Variants in DPP3 observed in about 807,000 individuals in gnomAD.
DPP3 encodes the protein dipeptidyl peptidase 3, also known as DPP III.
Under a neutral mutation model 89.8 loss-of-function variants are expected in DPP3, and 64 were observed. The observed-to-expected ratio is 0.71, with a 90% confidence interval of 0.58 to 0.88. The LOEUF (loss-of-function observed/expected upper bound fraction) is 0.88. Ranked by LOEUF, DPP3 falls within the 40% of genes least tolerant of loss-of-function variation. The probability of loss-of-function intolerance (pLI) is 0.00; values close to 1 mark genes in which losing one functional copy is unlikely to be tolerated. For missense variants in DPP3, 835 were observed against 972.5 expected, an observed-to-expected ratio of 0.86 and a Z score of 1.88; for synonymous variants, 377 against 404.3, an observed-to-expected ratio of 0.93 and a Z score of 0.81.
At chr11:66,502,156 C>T (rs1004742965) in intron 16 of DPP3, among the ~76,000 whole-genome samples, 4 of 152,038 alleles carry the variant, frequency 2.6e-5, no homozygotes, top group Non-Finnish European at 4.4e-5. Flanking sequence ...CACGCCACTG[C>T]GCTCCAGCCT....
At position 66,490,145 on chromosome 11, in the gene DPP3, TAAAAA is replaced by T. The variant is rs201526861; in HGVS notation, c.668-1084_668-1080del. Among the ~76,000 whole-genome samples the T allele has an allele frequency of 6.3e-5, 6 of 94,824 alleles. No homozygotes were observed. In the East Asian group the frequency reaches 1.1e-3, roughly 17 times the overall value. 62.2% of individuals were successfully genotyped at this position (94,824 alleles called of 152,430 possible). ...CTGGGCAACCTTACAAGATCCTATC[TAAAAA>T]AAAAAAAAAAAAAAAAAAAAAAAGG... On this transcript the variant is annotated intron_variant, in intron 6 of 17. Coordinates refer to ENST00000531863, the MANE Select transcript of DPP3 (RefSeq NM_130443.4).
intron 16 of DPP3, 88 bp from the exon 17 acceptor site, chr11:66,504,524 C>A: frequency 1.4e-6 from 2 of 1,463,104 alleles, no homozygotes; most frequent in Non-Finnish European, 1.8e-6. Flanking sequence ...CTGTCCAGGG[C>A]TGACCACAAT....
At position 66,480,534 on chromosome 11, in the gene DPP3, T is replaced by G. The variant is rs1262622642; in HGVS notation, c.-9+69T>G. On this transcript the variant is annotated intron_variant, in intron 1 of 17. Coordinates refer to ENST00000531863, the MANE Select transcript of DPP3 (RefSeq NM_130443.4). ...CCGGGGGACCAAGGCGAATCCATACTGAGCGCAAAATCGTTCCCTTTCTGC... is the reference window on the plus strand; with the variant it reads ...CCGGGGGACCAAGGCGAATCCATACGGAGCGCAAAATCGTTCCCTTTCTGC... 46 of 1,441,082 alleles carry G rather than the reference T, an allele frequency of 3.2e-5. 1 individual carries two copies. Among genetic ancestry groups the G allele is most frequent in the South Asian group, 9.6e-5 (7 of 72,560 alleles). 89.3% of individuals were successfully genotyped at this position (1,441,082 alleles called of 1,614,324 possible).
chr11:66,493,614 G>C lies in DPP3; in HGVS notation c.1370G>C (p.Ser457Thr). 6.2e-7 allele frequency: 1 copy of C among 1,612,634 alleles called. No homozygotes were observed. The highest frequency in any genetic ancestry group is 8.5e-7 in the Non-Finnish European group (1 of 1,179,736). ...VGLHELLGHGSGKLFVQDEKG... is the reference protein window; with the variant it reads ...VGLHELLGHGTGKLFVQDEKG... ...CTGCACGAGCTGCTGGGCCATGGCA[G>C]TGGCAAGCTCTTCGTACAGGTGAGA... is the stretch of plus-strand genomic sequence containing the variant. The change falls in exon 12 of 18, where the codon AGT becomes ACT. Residue 457 changes from serine to threonine, a missense_variant. Physicochemically the swap from Ser to Thr is moderately conservative, Grantham distance 58 (BLOSUM62 1). Transcript: ENST00000531863.
In DPP3 at chr11:66,509,062, C is replaced by T. The variant is rs751513988; in HGVS notation, c.2042-17C>T. 6.8e-6 allele frequency: 11 copies of T among 1,612,616 alleles called. No individual in the cohort carries two copies. The East Asian group carries it at 1.1e-4, about 16-fold the overall frequency. Reference sequence around the variant, plus strand: ...TTCAGACCTTTCCCTGCTGTTTTCTCTCCATCTCCTCCCCAGGCTCAGACG... The same window carrying T: ...TTCAGACCTTTCCCTGCTGTTTTCTTTCCATCTCCTCCCCAGGCTCAGACG... On this transcript the variant is annotated splice_polypyrimidine_tract_variant and intron_variant, in intron 17 of 17. Coordinates refer to ENST00000531863, the MANE Select transcript of DPP3 (RefSeq NM_130443.4).
At chr11:66,508,352 T>G (rs1855855391) in intron 17 of DPP3, among the ~76,000 whole-genome samples, 1 of 152,152 alleles carries the variant, frequency 6.6e-6, no homozygotes, top group African/African-American at 2.4e-5. Flanking sequence ...TGTGTGACTA[T>G]GTCATCACTG....
chr11:66,506,025 T>C (rs1459518810), intron 17 of DPP3, among the ~76,000 whole-genome samples: 2 of 152,060 alleles, frequency 1.3e-5, no homozygotes, highest in African/African-American at 4.8e-5. Context: ...TCTCGGCTCA[T>C]TGCAACCTCC....
intron 17 of DPP3, among the ~76,000 whole-genome samples, chr11:66,506,303 G>T (rs762098273): frequency 7.8e-4 from 118 of 150,812 alleles, no homozygotes; most frequent in Non-Finnish European, 8.5e-4. Flanking sequence ...TGCCCAGGCT[G>T]GAGTGCAGTG....
chr11:66,482,210 A>G lies in DPP3; in HGVS notation c.10A>G (p.Thr4Ala). MAD[T>A]QYILPNDIGV... is the part of the protein sequence containing the mutation. ...GTTCTCAGCAGGGCCCATGGCGGACACCCAGTACATCCTGCCCAATGACAT... is the reference window on the plus strand; with the variant it reads ...GTTCTCAGCAGGGCCCATGGCGGACGCCCAGTACATCCTGCCCAATGACAT... Residue 4 changes from threonine to alanine, a missense_variant, in exon 2 of 18, where the codon ACC becomes GCC. Physicochemically the swap from Thr to Ala is moderately conservative, Grantham distance 58. Transcript: ENST00000531863. 2 of 1,614,142 alleles carry G rather than the reference A, an allele frequency of 1.2e-6. No individual in the cohort carries two copies. The highest frequency in any genetic ancestry group is 1.7e-6 in the Non-Finnish European group (2 of 1,180,006).
At chr11:66,498,333 T>C (rs150058443) in intron 16 of DPP3, among the ~76,000 whole-genome samples, 3,015 of 152,310 alleles carry the variant, frequency 0.02, 85 homozygotes, top group African/African-American at 0.068. Flanking sequence ...GACCTCGTGA[T>C]CTGCCTGCCT....
In DPP3 at chr11:66,491,760, A is replaced by G. The variant is rs1393731420; in HGVS notation, c.988+4A>G. 6.2e-7 allele frequency: 1 copy of G among 1,613,774 alleles called. No homozygotes were observed. Among genetic ancestry groups the G allele is most frequent in the South Asian group, 1.1e-5 (1 of 91,062 alleles). ...GGTTCCCGAGGAGAATTTGAAGGTAACTTCCTCAGGGAGGAGGTCAGTCAC... is the reference window on the plus strand; with the variant it reads ...GGTTCCCGAGGAGAATTTGAAGGTAGCTTCCTCAGGGAGGAGGTCAGTCAC... On this transcript the variant is annotated splice_donor_region_variant and intron_variant, in intron 9 of 17. Coordinates refer to ENST00000531863, the MANE Select transcript of DPP3 (RefSeq NM_130443.4).
chr11:66,487,826 TCTC>T (rs936902426), intron 5 of DPP3, 85 bp from the exon 6 acceptor site: 2 of 1,244,318 alleles, frequency 1.6e-6, no homozygotes, highest in African/African-American at 3.0e-5. Context: ...CTCCATGCCT[TCTC>T]CCCTAGGGTT....
chr11:66,480,575 C>T, intron 1 of DPP3, 110 bp downstream of exon 1: 1 of 1,268,574 alleles, frequency 7.9e-7, no homozygotes, highest in Non-Finnish European at 1.0e-6. Flanking sequence ...CTCCAGTACC[C>T]CCTCCAAATT....
chr11:66,486,655 G>C lies in DPP3; in HGVS notation c.476G>C (p.Arg159Pro). 1 of 1,558,270 alleles carries C rather than the reference G, an allele frequency of 6.4e-7. No individual in the cohort carries two copies. The highest frequency in any genetic ancestry group is 8.7e-7 in the Non-Finnish European group (1 of 1,151,394). ...ELMFSLEPRL[R>P]HLGLGKEGIT... ...ATGTTCTCTCTGGAGCCAAGGCTTC[G>C]ACACCTCGGACTGGGGAAGGAGGTG... The change falls in exon 4 of 18, where the codon CGA becomes CCA. Residue 159 changes from arginine to proline, a missense_variant. Physicochemically the swap from Arg to Pro is moderately radical, Grantham distance 103. Transcript: ENST00000531863.
chr11:66,507,971 C>T (rs1855845981), intron 17 of DPP3, among the ~76,000 whole-genome samples: 1 of 152,196 alleles, frequency 6.6e-6, no homozygotes, highest in South Asian at 2.1e-4. Flanking sequence ...GCCACCACAC[C>T]CAGCCAGGTC....
At chr11:66,489,689 A>C (rs892981343) in intron 6 of DPP3, among the ~76,000 whole-genome samples, 1 of 152,210 alleles carries the variant, frequency 6.6e-6, no homozygotes, top group African/African-American at 2.4e-5. Context: ...GGTGGAGCAC[A>C]GTAGGAACAG....
intron 1 of DPP3, among the ~76,000 whole-genome samples, chr11:66,481,326 C>A (rs1159889300): frequency 2.0e-5 from 3 of 152,074 alleles, no homozygotes; most frequent in Non-Finnish European, 4.4e-5. Flanking sequence ...CCGTCTCTAT[C>A]AAAAATACAA....
intron 6 of DPP3, among the ~76,000 whole-genome samples, 196 bp from the exon 7 acceptor site, chr11:66,491,057 C>A (rs1855369477): frequency 6.6e-6 from 1 of 152,144 alleles, no homozygotes; most frequent in South Asian, 2.1e-4. Flanking sequence ...GCGTAAGCCA[C>A]CATGCCCGGC....
At chr11:66,488,138 C>T (rs1855285433) in intron 6 of DPP3, 131 bp downstream of exon 6, 4 of 763,418 alleles carry the variant, frequency 5.2e-6, no homozygotes, top group Non-Finnish European at 8.3e-6. Flanking sequence ...TACATAAGTC[C>T]TGGGAATGGC....
Sources: gnomAD v4.1 joint callset for allele counts (sites outside exome capture counted in the v4.1 genomes callset) on GRCh38, gnomAD v4.1.1 for gene constraint, MANE v1.5 for transcripts, NCBI Gene and HGNC (gene_info 2026-07-23, HGNC 2026-07-21) for gene names.